The following FLII variants were observed in gnomAD, a reference collection of about 807,000 sequenced individuals.
The protein encoded by FLII is FLII actin remodeling protein.
FLII carries 101 observed loss-of-function variants against 156.2 expected under a neutral mutation model. The ratio of observed to expected loss-of-function variants is 0.65; its 90% confidence interval spans 0.55 to 0.76. The LOEUF (loss-of-function observed/expected upper bound fraction) is 0.76, where lower values mean the gene tolerates loss of function less well. FLII is among the 30% of genes least tolerant of loss of function. The probability of loss-of-function intolerance (pLI) is 0.00; values close to 1 mark genes in which losing one functional copy is unlikely to be tolerated. For synonymous variants in FLII, 767 were observed against 685.8 expected (o/e 1.12, Z -1.85); for missense variants, 1,675 against 1,682.8 (o/e 1.00, Z 0.08).
Position 18,247,657 on chromosome 17 carries a change from C to T in FLII, c.2487G>A (p.Gln829=). The T allele has an allele frequency of 6.3e-7, 1 of 1,583,486 alleles. No homozygotes were observed. Among genetic ancestry groups the T allele is most frequent in the Non-Finnish European group, 8.5e-7 (1 of 1,170,762 alleles). The stretch of plus-strand genomic sequence containing the variant: ...GGGGCCTCCGAAGCTGCAAGCGCAC[C>T]TGCGCCTCGGTGCCCTCGAGGCTGC... ...VSRSLEGTEA[Q]VFKAKFKNWD... Residue 829 remains glutamine, a splice_region_variant and synonymous_variant, in exon 20 of 30, where the codon CAG becomes CAA. Coordinates refer to ENST00000327031, the MANE Select transcript of FLII (RefSeq NM_002018.4).
At chr17:18,255,354 C>G (rs923689291) in intron 3 of FLII, 91 bp from the exon 4 acceptor site, 24 of 989,788 alleles carry the variant, frequency 2.4e-5, no homozygotes, top group Non-Finnish European at 3.4e-5. Context: ...AGGCAGCTCA[C>G]CAGAGGCCAG....
chr17:18,245,717 A>T, intron 27 of FLII, 27 bp downstream of exon 27: 1 of 1,611,286 alleles, frequency 6.2e-7, no homozygotes, highest in Non-Finnish European at 8.5e-7. Flanking sequence ...GCCAGGACTG[A>T]GGGGAGGGTC....
intron 1 of FLII, among the ~76,000 whole-genome samples, chr17:18,257,453 C>G (rs1279719072): frequency 6.6e-6 from 1 of 152,250 alleles, no homozygotes; most frequent in Non-Finnish European, 1.5e-5. Context: ...AACTCACGGC[C>G]AGGGTCAAAC....
intron 14 of FLII, among the ~76,000 whole-genome samples, chr17:18,250,241 CA>C (rs1284907121): frequency 6.6e-6 from 1 of 152,094 alleles, no homozygotes; most frequent in Non-Finnish European, 1.5e-5. Context: ...TAGATGCACG[CA>C]TATCAGGGTA....
At position 18,251,359 on chromosome 17, in the gene FLII, A is replaced by G. The variant is rs953526143; in HGVS notation, c.1502T>C (p.Leu501Pro). 1.2e-6 allele frequency: 2 copies of G among 1,613,834 alleles called. No homozygotes were observed. Among genetic ancestry groups the G allele is most frequent in the African/African-American group, 2.7e-5 (2 of 75,072 alleles). Residue 501 changes from leucine to proline, a missense_variant, in exon 13 of 30, where the codon CTG becomes CCG. Leu to Pro is a moderately conservative substitution (Grantham distance 98). Transcript: ENST00000327031. The part of the protein sequence containing the change: ...FTEDVGQLPG[L>P]TIWQIENFVP... ...GAAGTTCTCTATCTGCCAGATGGTC[A>G]GTCCGGGCAGCTGGCCCACGTCCTC... is the stretch of plus-strand genomic sequence containing the variant.
chr17:18,256,420 G>T, intron 3 of FLII, 106 bp downstream of exon 3: 1 of 862,406 alleles, frequency 1.2e-6, no homozygotes, highest in East Asian at 2.7e-5. Context: ...CTGACACGGA[G>T]GTGGGCAGAA....
Position 18,252,961 on chromosome 17 carries a change from GC to G in FLII, c.1013+339del, listed in dbSNP as rs2048313703. Among the ~76,000 whole-genome samples the G allele has an allele frequency of 2.0e-5, 3 of 152,290 alleles. No homozygotes were observed. The South Asian group carries it at 6.2e-4, about 32-fold the overall frequency. ...AGGACAGGCATTCAAGACCAGCCTGGCCAACATGGTGAGACCCCATCTCTAC... is the reference window on the plus strand; with the variant it reads ...AGGACAGGCATTCAAGACCAGCCTGGCAACATGGTGAGACCCCATCTCTAC... On this transcript the variant is annotated intron_variant, in intron 9 of 29. Transcript: ENST00000327031.
chr17:18,245,560 G>A lies in FLII; in HGVS notation c.3604C>T (p.Gln1202Ter). The A allele has an allele frequency of 6.2e-7, 1 of 1,613,614 alleles. No individual in the cohort carries two copies. The highest frequency in any genetic ancestry group is 8.5e-7 in the Non-Finnish European group (1 of 1,179,790). Residue 1202 changes from glutamine (Q) to a stop codon, truncating the protein, a stop_gained, in exon 28 of 30, where the codon CAA becomes TAA. Transcript: ENST00000327031. LOFTEE classifies it high-confidence loss of function. ...GGCTAGTGGCAACATCACACCTCTT[G>A]GCCATTGTCTAGCAACATGATGTCA... is the stretch of plus-strand genomic sequence containing the variant. ...DDDIMLLDNG[Q>*]EVYMWVGTQT... is the part of the protein sequence containing the mutation.
intron 4 of FLII, 69 bp downstream of exon 4, chr17:18,255,114 A>G: frequency 8.1e-7 from 1 of 1,237,606 alleles, no homozygotes; most frequent in Non-Finnish European, 1.2e-6. Flanking sequence ...GGCCCCAGGG[A>G]CTTTTATAGT....
chr17:18,254,117 T>G lies in FLII; in HGVS notation c.641A>C (p.Asn214Thr). Residue 214 changes from asparagine (N) to threonine (T), a missense_variant, in exon 7 of 30, where the codon AAC becomes ACC. Transcript: ENST00000327031. ...HLRSTQRTQS[N>T]LPTSLEGLSN... is the part of the protein sequence containing the mutation. ...CAGACCCTCCAGGCTGGTGGGCAGG[T>G]TGCTCTGGGTGCGCTGGGTGCTCCG... 6.2e-7 allele frequency: 1 copy of G among 1,611,402 alleles called. No homozygotes were observed. Among genetic ancestry groups the G allele is most frequent in the Non-Finnish European group, 8.5e-7 (1 of 1,178,720 alleles).
At chr17:18,253,832 T>C in intron 7 of FLII, 113 bp from the exon 8 acceptor site, 1 of 1,112,908 alleles carries the variant, frequency 9.0e-7, no homozygotes, top group Non-Finnish European at 1.3e-6. Flanking sequence ...CTTAGGCAAG[T>C]GACAACTGCT....
intron 18 of FLII, among the ~76,000 whole-genome samples, chr17:18,248,279 G>C (rs1352279021): frequency 6.6e-6 from 1 of 152,168 alleles, no homozygotes; most frequent in Non-Finnish European, 1.5e-5. Context: ...CTGTTCACAA[G>C]AATCTAGATA....
Position 18,252,543 on chromosome 17 carries a change from T to C in FLII, c.1027A>G (p.Arg343Gly). 1 of 1,613,610 alleles carries C rather than the reference T, an allele frequency of 6.2e-7. No individual in the cohort carries two copies. Among genetic ancestry groups the C allele is most frequent in the Non-Finnish European group, 8.5e-7 (1 of 1,179,976 alleles). Residue 343 changes from arginine (R) to glycine (G), a missense_variant, in exon 10 of 30, where the codon AGG becomes GGG. Coordinates refer to ENST00000327031, the MANE Select transcript of FLII (RefSeq NM_002018.4). The stretch of plus-strand genomic sequence containing the variant: ...TGGTTCTTGTTCAGGACAAGTTTCC[T>C]CAGCTTTGGGCACCTGTGAAGACAG... ...PESLCRCPKL[R>G]KLVLNKNHLV...
chr17:18,255,985 T>C (rs1717724673), intron 3 of FLII, among the ~76,000 whole-genome samples: 1 of 152,266 alleles, frequency 6.6e-6, no homozygotes, highest in African/African-American at 2.4e-5. Flanking sequence ...TCCAGGGCTC[T>C]GACTTCAGAT....
Position 18,246,042 on chromosome 17 carries a change from G to T in FLII, c.3288C>A (p.Asp1096Glu), listed in dbSNP as rs749811658. The change falls in exon 26 of 30, where the codon GAC becomes GAA. Residue 1096 changes from aspartate to glutamate, a missense_variant. Physicochemically the swap from Asp to Glu is conservative, Grantham distance 45. Coordinates refer to ENST00000327031, the MANE Select transcript of FLII (RefSeq NM_002018.4). ...CCCAGGCATACACGATGCCCTGGTT[G>T]TCCTCACTCTCAAAGGGAACCTGGG... Reference protein sequence around the residue: ...FILKVPFESEDNQGIVYAWVG... With the variant: ...FILKVPFESEENQGIVYAWVG... The T allele has an allele frequency of 4.3e-6, 7 of 1,614,170 alleles. No homozygotes were observed. The South Asian group carries it at 7.7e-5, about 18-fold the overall frequency.
rs143787650 is a variant in FLII, at chr17:18,246,945, G to A, written c.2784C>T (p.Phe928=). Residue 928 remains phenylalanine (F), a synonymous_variant, in exon 22 of 30, where the codon TTC becomes TTT. Transcript: ENST00000327031. ...ARLPEEEFGH[F]YTQDCYVFLC... The stretch of plus-strand genomic sequence containing the variant: ...GGAAGACGTAGCAGTCCTGCGTGTA[G>A]AAGTGGCCAAACTCCTCTTCCGGCA... The A allele has an allele frequency of 3.7e-6, 6 of 1,614,076 alleles. No homozygotes were observed. In the African/African-American group the frequency reaches 8.0e-5, roughly 22 times the overall value.
chr17:18,247,039 A>G lies in FLII; in HGVS notation c.2690T>C (p.Met897Thr), dbSNP rs773258408. The G allele has an allele frequency of 1.2e-5, 19 of 1,612,602 alleles. No individual in the cohort carries two copies. Among genetic ancestry groups the G allele is most frequent in the Non-Finnish European group, 1.6e-5 (19 of 1,179,940 alleles). Residue 897 changes from methionine (M) to threonine (T), a missense_variant, in exon 22 of 30, where the codon ATG (methionine) becomes ACG (threonine). Transcript: ENST00000327031. ...GTCTAGGTCTTCGTTCCACTCCTCC[A>G]TCAGCTGCTCCGCCTGCAGGTGAGA... ...PMSLAEAEQL[M>T]EEWNEDLDGM...
In FLII at chr17:18,247,273, C is replaced by G. The variant is rs766340965; in HGVS notation, c.2572G>C (p.Gly858Arg). 1.2e-6 allele frequency: 2 copies of G among 1,612,586 alleles called. No homozygotes were observed. The highest frequency in any genetic ancestry group is 1.7e-5 in the Admixed American group (1 of 59,888). ...TCGCGTTTCACCTTCCCGGAGAGAC[C>G]CGGGCTCTGCAGCACGGCCTCCGCA... ...RNAEAVLQSP[G>R]LSGKVKRDAE... The change falls in exon 21 of 30, where the codon GGT becomes CGT. Residue 858 changes from glycine (G) to arginine (R), a missense_variant. Physicochemically the swap from Gly to Arg is moderately radical, Grantham distance 125 (BLOSUM62 -2). Coordinates refer to ENST00000327031, the MANE Select transcript of FLII (RefSeq NM_002018.4).
In FLII at chr17:18,256,558, G is replaced by A. The variant is rs1187875378; in HGVS notation, c.214C>T (p.His72Tyr). The A allele has an allele frequency of 2.6e-6, 4 of 1,551,722 alleles. No individual in the cohort carries two copies. The highest frequency in any genetic ancestry group is 3.5e-6 in the Non-Finnish European group (4 of 1,147,028). The change falls in exon 3 of 30, where the codon CAT becomes TAT. Residue 72 changes from histidine to tyrosine, a missense_variant. This residue lies in a region of FLII where 343 missense variants were observed against 413.5 expected (regional missense o/e 0.83). Transcript: ENST00000327031. ...GATGGCAGGCTGGACAGCTCCCCATGAAGCGTGGTCAGGTTGTTGTGGCTC... is the reference window on the plus strand; with the variant it reads ...GATGGCAGGCTGGACAGCTCCCCATAAAGCGTGGTCAGGTTGTTGTGGCTC... ...SVSHNNLTTLHGELSSLPSLR... is the reference protein window; with the variant it reads ...SVSHNNLTTLYGELSSLPSLR...
Sources: allele counts gnomAD v4.1 joint callset (sites outside exome capture counted in the v4.1 genomes callset), GRCh38; gene constraint gnomAD v4.1.1; regional missense constraint gnomAD v4.1.1; transcripts MANE v1.5; gene names NCBI Gene and HGNC (gene_info 2026-07-23, HGNC 2026-07-21).